FAM227B: variants seen among roughly 807,000 people sequenced by gnomAD.
FAM227B encodes family with sequence similarity 227 member B.
In FAM227B, 88 loss-of-function variants were observed where a neutral mutation model predicts 73.8. The observed-to-expected ratio is 1.19, with a 90% CI of 1.00 to 1.42. The LOEUF (loss-of-function observed/expected upper bound fraction) is 1.42, where lower values mean the gene tolerates loss of function less well. FAM227B is among the 40% of genes most tolerant of loss of function. The pLI, the probability that FAM227B is intolerant of heterozygous loss-of-function variation, is 0.00. For synonymous variants in FAM227B, 210 were observed against 190.5 expected (o/e 1.10, Z -0.84); for missense variants, 632 against 590.9 (o/e 1.07, Z -0.72).
At chr15:49,602,154 A>C (rs1232301298) in intron 3 of FAM227B, among the ~76,000 whole-genome samples, 1 of 152,126 alleles carries the variant, frequency 6.6e-6, no homozygotes, top group African/African-American at 2.4e-5. Context: ...TCTGGGGTAT[A>C]CACTCAGCAG....
chr15:49,348,909 ACAAAC>A (rs1229065824), intron 13 of FAM227B, among the ~76,000 whole-genome samples: 1 of 152,184 alleles, frequency 6.6e-6, no homozygotes, highest in African/African-American at 2.4e-5. Context: ...CCTAAATTGA[ACAAAC>A]CAACCTATTA....
intron 11 of FAM227B, among the ~76,000 whole-genome samples, chr15:49,394,776 A>T (rs184438553): frequency 6.6e-6 from 1 of 152,296 alleles, no homozygotes; most frequent in Non-Finnish European, 1.5e-5. Flanking sequence ...AGCAGTAGGA[A>T]GGTAATAAAG....
chr15:49,469,760 C>A (rs2054571147), intron 11 of FAM227B, among the ~76,000 whole-genome samples: 1 of 151,990 alleles, frequency 6.6e-6, no homozygotes, highest in African/African-American at 2.4e-5. Context: ...CTAAGTTATG[C>A]CTTTAAAAGT....
intron 11 of FAM227B, among the ~76,000 whole-genome samples, chr15:49,503,924 G>T (rs2058363981): frequency 6.6e-6 from 1 of 152,058 alleles, no homozygotes; most frequent in African/African-American, 2.4e-5. Flanking sequence ...TCCCATTACT[G>T]GGTATATACC....
chr15:49,334,347 G>A, intron 14 of FAM227B: 1 of 531,908 alleles, frequency 1.9e-6, no homozygotes, highest in South Asian at 8.2e-5. Context: ...ATTACTAATT[G>A]GGAAAGAATA....
intron 10 of FAM227B, among the ~76,000 whole-genome samples, chr15:49,512,040 C>A (rs2059038316): frequency 1.3e-5 from 2 of 152,042 alleles, no homozygotes; most frequent in African/African-American, 4.8e-5. Context: ...TGTTATTAGG[C>A]ACATATTTCT....
chr15:49,346,415 A>G (rs899811460), intron 13 of FAM227B, among the ~76,000 whole-genome samples: 1 of 152,036 alleles, frequency 6.6e-6, no homozygotes, highest in Non-Finnish European at 1.5e-5. Context: ...ACCTTTCCCC[A>G]CACCTAAGGC....
In FAM227B at chr15:49,496,931, T is replaced by TCACA. The variant is rs147133019; in HGVS notation, c.1012+11276_1012+11279dup. Among the ~76,000 whole-genome samples, 1,286 of 142,108 alleles carry TCACA rather than the reference T, an allele frequency of 9.0e-3. 14 individuals are homozygous for TCACA. The highest frequency in any genetic ancestry group is 0.03 in the African/African-American group (1,174 of 39,414). The allele number at this position is 142,108 out of a possible 152,430, so 93.2% of individuals were successfully genotyped here. A position where few individuals can be genotyped will look rare whatever the true frequency, so the allele number is the denominator to read the frequency against. ...GAATAAGGTTTTAGTATACACAAAG[T>TCACA]CACACACACACACACACACACACAC... is the stretch of plus-strand genomic sequence containing the variant. On this transcript the variant is annotated intron_variant, in intron 11 of 15. Coordinates refer to ENST00000299338, the MANE Select transcript of FAM227B (RefSeq NM_152647.3).
intron 11 of FAM227B, among the ~76,000 whole-genome samples, chr15:49,478,037 C>T (rs1277232332): frequency 1.3e-5 from 2 of 152,088 alleles, no homozygotes; most frequent in African/African-American, 2.4e-5. Context: ...AGGTACTGAG[C>T]GTAGTACCTA....
chr15:49,571,592 T>C (rs2075109119), intron 8 of FAM227B, among the ~76,000 whole-genome samples: 1 of 151,998 alleles, frequency 6.6e-6, no homozygotes, highest in Non-Finnish European at 1.5e-5. Context: ...CAACAACAGT[T>C]ATTGGAGACT....
intron 10 of FAM227B, among the ~76,000 whole-genome samples, chr15:49,525,114 TG>T (rs2060063952): frequency 6.6e-6 from 1 of 152,068 alleles, no homozygotes; most frequent in South Asian, 2.1e-4. Context: ...ACATGAGATT[TG>T]GGAGGGAATC....
chr15:49,426,713 T>TAA (rs1259522031), intron 11 of FAM227B, among the ~76,000 whole-genome samples: 1 of 151,580 alleles, frequency 6.6e-6, no homozygotes, highest in African/African-American at 2.4e-5. Context: ...ACCAATTCTA[T>TAA]AGCACAAAAG....
At chr15:49,334,615 A>G (rs1475673638) in intron 14 of FAM227B, among the ~76,000 whole-genome samples, 1 of 151,422 alleles carries the variant, frequency 6.6e-6, no homozygotes, top group Non-Finnish European at 1.5e-5. Context: ...GGACGTACAC[A>G]TGCGTCTGTG....
chr15:49,547,886 A>G (rs2072177804), intron 9 of FAM227B, among the ~76,000 whole-genome samples: 1 of 152,382 alleles, frequency 6.6e-6, no homozygotes, highest in Middle Eastern at 3.4e-3. Context: ...GAGGACTTCA[A>G]TACTCCACTG....
At chr15:49,493,711 A>G (rs1198638770) in intron 11 of FAM227B, among the ~76,000 whole-genome samples, 2 of 151,890 alleles carry the variant, frequency 1.3e-5, no homozygotes, top group African/African-American at 2.4e-5. Context: ...ATCCATCTAC[A>G]CTTATCTACT....
At chr15:49,349,171 G>A (rs1170658718) in intron 13 of FAM227B, among the ~76,000 whole-genome samples, 4 of 152,104 alleles carry the variant, frequency 2.6e-5, no homozygotes, top group Admixed American at 6.6e-5. Flanking sequence ...AACTGAGTTT[G>A]TAAGAAAAAA....
intron 9 of FAM227B, among the ~76,000 whole-genome samples, chr15:49,557,273 C>T (rs574245160): frequency 1.8e-4 from 28 of 151,998 alleles, no homozygotes; most frequent in African/African-American, 6.3e-4. Context: ...TTGCTTTTGG[C>T]CATTTTATTA....
intron 10 of FAM227B, among the ~76,000 whole-genome samples, chr15:49,522,250 A>C (rs558601887): frequency 7.2e-5 from 11 of 152,306 alleles, no homozygotes; most frequent in Admixed American, 6.5e-4. Flanking sequence ...TACACAACAT[A>C]CACTACAGTC....
At chr15:49,509,209 G>C (rs1367185658) in intron 10 of FAM227B, among the ~76,000 whole-genome samples, 1 of 152,144 alleles carries the variant, frequency 6.6e-6, no homozygotes, top group Non-Finnish European at 1.5e-5. Context: ...AAATGGTTGT[G>C]TGTGACCTCT....
Sources: allele counts gnomAD v4.1 joint callset (sites outside exome capture counted in the v4.1 genomes callset), GRCh38; gene constraint gnomAD v4.1.1; transcripts MANE v1.5; gene names NCBI Gene and HGNC (gene_info 2026-07-23, HGNC 2026-07-21).